Variants in CR1L observed in about 807,000 individuals in gnomAD.
The protein encoded by CR1L is complement C3b/C4b receptor 1 like, also known as complement component receptor 1-like protein.
A neutral mutation model predicts 62.3 loss-of-function variants in CR1L; 59 were observed. The ratio of observed to expected loss-of-function variants is 0.95; its 90% CI spans 0.77 to 1.18. CR1L has a LOEUF of 1.18. Ranked by LOEUF, CR1L falls within the 50% of genes most tolerant of loss-of-function variation. CR1L has a pLI of 0.00. For synonymous variants in CR1L, 279 were observed against 248.7 expected, an observed-to-expected ratio of 1.12 and a Z score of -1.15; for missense variants, 700 against 702.8, an observed-to-expected ratio of 1.00 and a Z score of 0.04.
chr1:207,714,267 T>C (rs541513070), intron 10 of CR1L, among the ~76,000 whole-genome samples: 2 of 152,136 alleles, frequency 1.3e-5, no homozygotes, highest in African/African-American at 4.8e-5. Flanking sequence ...TTGGTGAGTA[T>C]GCAAAAAAGG....
At chr1:207,704,293 A>G (rs1664236685) in intron 9 of CR1L, among the ~76,000 whole-genome samples, 1 of 152,262 alleles carries the variant, frequency 6.6e-6, no homozygotes, top group Non-Finnish European at 1.5e-5. Flanking sequence ...CTACAATATC[A>G]TGATCAAACT....
intron 1 of CR1L, among the ~76,000 whole-genome samples, chr1:207,668,667 GAT>G (rs1280547903): frequency 6.6e-6 from 1 of 150,986 alleles, no homozygotes; most frequent in Non-Finnish European, 1.5e-5. Flanking sequence ...GCTAACTCTT[GAT>G]TGCTTTCTTC....
intron 1 of CR1L, among the ~76,000 whole-genome samples, chr1:207,650,157 G>A (rs1484634218): frequency 6.6e-6 from 1 of 152,136 alleles, no homozygotes; most frequent in Non-Finnish European, 1.5e-5. Flanking sequence ...TAGAGATCTG[G>A]GATGGAGAGA....
Position 207,683,811 on chromosome 1 carries a change from A to G in CR1L, c.378-61A>G, listed in dbSNP as rs1663846317. On this transcript the variant is annotated intron_variant, in intron 3 of 11. Coordinates refer to ENST00000508064, the MANE Select transcript of CR1L (RefSeq NM_175710.2). The stretch of plus-strand genomic sequence containing the variant: ...AAGAGTGTAATCTCTGGAAGTAGTA[A>G]TTTAATTGGGTAGTTGACCTGTGTA... The G allele has an allele frequency of 9.5e-6, 14 of 1,478,552 alleles. No homozygotes were observed. In the South Asian group the frequency reaches 1.4e-4, roughly 15 times the overall value. The allele number at this position is 1,478,552 out of a possible 1,614,324, so 91.6% of individuals were successfully genotyped here.
chr1:207,648,109 G>C (rs1663160772), intron 1 of CR1L, among the ~76,000 whole-genome samples: 1 of 150,938 alleles, frequency 6.6e-6, no homozygotes, highest in Admixed American at 6.6e-5. Context: ...CATGGTCAAG[G>C]CTGCAGTGAG....
intron 8 of CR1L, among the ~76,000 whole-genome samples, chr1:207,701,123 G>A (rs1185526355): frequency 6.6e-6 from 1 of 152,096 alleles, no homozygotes; most frequent in African/African-American, 2.4e-5. Context: ...CATTCCTTAT[G>A]GGAAAATAAA....
intron 11 of CR1L, 70 bp downstream of exon 11, chr1:207,717,761 G>A: frequency 3.8e-6 from 6 of 1,559,074 alleles, no homozygotes; most frequent in Non-Finnish European, 5.2e-6. Context: ...TATTTCTATA[G>A]TGACAGTCAT....
At chr1:207,705,459 C>A (rs1218859842) in intron 9 of CR1L, among the ~76,000 whole-genome samples, 1 of 152,176 alleles carries the variant, frequency 6.6e-6, no homozygotes, top group African/African-American at 2.4e-5. Context: ...GGAGGCTCTG[C>A]CTCAATCTCA....
rs190448008 is a variant in CR1L, at chr1:207,699,299, G to A, written c.1228+25G>A. 7.8e-4 allele frequency: 1,257 copies of A among 1,612,980 alleles called. 5 individuals are homozygous for A. Among genetic ancestry groups the A allele is most frequent in the Middle Eastern group, 4.1e-3 (25 of 6,054 alleles). ...CGTAAGTAATAGGAGTAACATTTCA[G>A]GCCAATCTCTCCCCTTCATCTGTTC... On this transcript the variant is annotated intron_variant, in intron 8 of 11. Coordinates refer to ENST00000508064, the MANE Select transcript of CR1L (RefSeq NM_175710.2).
At chr1:207,707,006 T>C (rs1664278123) in intron 9 of CR1L, among the ~76,000 whole-genome samples, 1 of 152,220 alleles carries the variant, frequency 6.6e-6, no homozygotes, top group Non-Finnish European at 1.5e-5. Context: ...GTAGACTGAC[T>C]GTACAGAATT....
chr1:207,669,934 G>A (rs377626679), intron 1 of CR1L, among the ~76,000 whole-genome samples: 1 of 151,158 alleles, frequency 6.6e-6, no homozygotes, highest in East Asian at 1.9e-4. Flanking sequence ...TTGGGGATCC[G>A]ACAAACCTGA....
rs751704770 is a variant in CR1L, at chr1:207,683,962, G to A, written c.463+5G>A. 2.1e-5 allele frequency: 33 copies of A among 1,608,680 alleles called. No individual in the cohort carries two copies. Among genetic ancestry groups the A allele is most frequent in the Non-Finnish European group, 2.7e-5 (32 of 1,175,972 alleles). Reference sequence around the variant, plus strand: ...ATAAAACACCTGTTTGTGACAGTGAGTTGAAATATGCATTCCTATTTCTTT... The same window carrying A: ...ATAAAACACCTGTTTGTGACAGTGAATTGAAATATGCATTCCTATTTCTTT... On this transcript the variant is annotated splice_donor_5th_base_variant and intron_variant, in intron 4 of 11. Coordinates refer to ENST00000508064, the MANE Select transcript of CR1L (RefSeq NM_175710.2).
At position 207,688,212 on chromosome 1, in the gene CR1L, G is replaced by A. The variant is rs1391996253; in HGVS notation, c.463+4255G>A. 2.6e-5 allele frequency among the ~76,000 whole-genome samples: 4 copies of A among 152,280 alleles called. No homozygotes were observed. The East Asian group carries it at 7.7e-4, about 29-fold the overall frequency. On this transcript the variant is annotated intron_variant, in intron 4 of 11. Coordinates refer to ENST00000508064, the MANE Select transcript of CR1L (RefSeq NM_175710.2). ...GATCCCTTGAGCACAGGGGTTCAAG[G>A]CTTCAGTGGGTTATGATGGTACCAC...
In CR1L at chr1:207,650,590, A is replaced by G. The variant is rs374758301; in HGVS notation, c.97+5260A>G. Among the ~76,000 whole-genome samples the G allele has an allele frequency of 9.8e-5, 15 of 152,290 alleles. No homozygotes were observed. In the East Asian group the frequency reaches 2.9e-3, roughly 29 times the overall value. Reference sequence around the variant, plus strand: ...AGAGTTTATGTTTTGTGGAAGCAAAAAAGGTTTTAAATAGATTGGATAGTG... The same window carrying G: ...AGAGTTTATGTTTTGTGGAAGCAAAGAAGGTTTTAAATAGATTGGATAGTG... On this transcript the variant is annotated intron_variant, in intron 1 of 11. Transcript: ENST00000508064.
intron 1 of CR1L, among the ~76,000 whole-genome samples, chr1:207,665,142 C>T (rs1663496487): frequency 6.6e-6 from 1 of 152,082 alleles, no homozygotes; most frequent in South Asian, 2.1e-4. Context: ...CAAGCTCTGC[C>T]TCCCGGGTTC....
chr1:207,696,972 A>G (rs763195728), intron 5 of CR1L, among the ~76,000 whole-genome samples: 4 of 152,156 alleles, frequency 2.6e-5, no homozygotes, highest in Non-Finnish European at 5.9e-5. Flanking sequence ...ATAGTTCTTT[A>G]CCACCCTATG....
chr1:207,645,185 G>C lies in CR1L; in HGVS notation c.-49G>C. On this transcript the variant is annotated 5_prime_UTR_variant, in exon 1 of 12. Transcript: ENST00000508064. ...GGACTTCCCTGCTCGGCTGGCTTTC[G>C]GTTTCTCTGCTCACCTCCGGATAAA... The C allele has an allele frequency of 6.3e-7, 1 of 1,593,852 alleles. No individual in the cohort carries two copies. Among genetic ancestry groups the C allele is most frequent in the African/African-American group, 1.3e-5 (1 of 74,564 alleles).
intron 9 of CR1L, among the ~76,000 whole-genome samples, chr1:207,705,849 A>G (rs1664257700): frequency 6.6e-6 from 1 of 152,064 alleles, no homozygotes; most frequent in Non-Finnish European, 1.5e-5. Context: ...CCAGGAAACC[A>G]GGAAAACTTT....
At position 207,660,162 on chromosome 1, in the gene CR1L, A is replaced by T. The variant is rs979795516; in HGVS notation, c.97+14832A>T. Among the ~76,000 whole-genome samples, 4 of 152,258 alleles carry T rather than the reference A, an allele frequency of 2.6e-5. No individual in the cohort carries two copies. In the East Asian group the frequency reaches 7.7e-4, roughly 29 times the overall value. On this transcript the variant is annotated intron_variant, in intron 1 of 11. Transcript: ENST00000508064. ...ACGTCCCAGCCTGACAGCTCTGAAGAGAGCAGTGGTTCTCCCAGCACAGCA... is the reference window on the plus strand; with the variant it reads ...ACGTCCCAGCCTGACAGCTCTGAAGTGAGCAGTGGTTCTCCCAGCACAGCA...
Sources: gnomAD v4.1 joint callset for allele counts (sites outside exome capture counted in the v4.1 genomes callset) on GRCh38, gnomAD v4.1.1 for gene constraint, MANE v1.5 for transcripts, NCBI Gene and HGNC (gene_info 2026-07-23, HGNC 2026-07-21) for gene names.